Variants in TENM3 observed in about 807,000 individuals in gnomAD.
TENM3 encodes the protein teneurin-3.
Under a neutral mutation model 255.1 loss-of-function variants are expected in TENM3, and 63 were observed. The observed-to-expected ratio is 0.25, with a 90% confidence interval of 0.20 to 0.30. TENM3 has a LOEUF of 0.30. Ranked by LOEUF, TENM3 falls within the 10% of genes least tolerant of loss-of-function variation. The pLI is 1.00. For synonymous variants in TENM3, 1,306 were observed against 1,322.3 expected (o/e 0.99, Z 0.27); for missense variants, 2,929 against 3,461.1 (o/e 0.85, Z 3.86).
chr4:181,464,275 A>T, the TENM3 span, among the ~76,000 whole-genome samples: 1 of 152,176 alleles, frequency 6.6e-6, no homozygotes, highest in African/African-American at 2.4e-5. Flanking sequence ...CCAGCAATAT[A>T]CAGGGGTTCC....
At chr4:181,659,921 A>G in the TENM3 span, among the ~76,000 whole-genome samples, 2 of 152,160 alleles carry the variant, frequency 1.3e-5, no homozygotes, top group African/African-American at 4.8e-5. Context: ...TTGTAGTAAT[A>G]TTGACAACAA....
the TENM3 span, among the ~76,000 whole-genome samples, chr4:182,022,774 T>C: frequency 6.6e-6 from 1 of 152,200 alleles, no homozygotes; most frequent in Non-Finnish European, 1.5e-5. Context: ...ATTTCTTAAA[T>C]ACCAAACAAC....
At chr4:182,114,269 G>T in the TENM3 span, among the ~76,000 whole-genome samples, 1 of 138,160 alleles carries the variant, frequency 7.2e-6, no homozygotes, top group East Asian at 2.4e-4. Flanking sequence ...TTTAGTCCAA[G>T]AATTTTTTGA....
At chr4:182,466,925 A>T (rs576653975) in intron 3 of TENM3, among the ~76,000 whole-genome samples, 32 of 147,970 alleles carry the variant, frequency 2.2e-4, no homozygotes, top group Non-Finnish European at 2.4e-4. Flanking sequence ...TTGCCTTCAC[A>T]CTCCTATTCT....
chr4:182,377,606 G>A (rs527358264), intron 3 of TENM3, among the ~76,000 whole-genome samples: 12 of 152,220 alleles, frequency 7.9e-5, no homozygotes, highest in South Asian at 4.1e-4. Flanking sequence ...GAGCCACCAC[G>A]CCCGGCTCCA....
At chr4:182,662,755 G>A (rs752289679) in intron 6 of TENM3, among the ~76,000 whole-genome samples, 1 of 152,164 alleles carries the variant, frequency 6.6e-6, no homozygotes, top group Non-Finnish European at 1.5e-5. Context: ...AGCTTCAGAG[G>A]AAAAAGTTGT....
the TENM3 span, among the ~76,000 whole-genome samples, chr4:182,100,750 C>T: frequency 6.9e-4 from 51 of 74,198 alleles, 14 homozygotes; most frequent in African/African-American, 7.0e-4. Flanking sequence ...TATATACACA[C>T]ATATATATAC....
At chr4:182,091,652 C>T in the TENM3 span, among the ~76,000 whole-genome samples, 3 of 152,184 alleles carry the variant, frequency 2.0e-5, no homozygotes, top group East Asian at 3.9e-4. Context: ...AGAATGTCAA[C>T]GAAGCTTGAT....
rs980536911 is a variant in TENM3 at position 182,492,459 on chromosome 4, C to G, written c.512-108465C>G. Among the ~76,000 whole-genome samples the G allele has an allele frequency of 2.6e-5, 4 of 152,192 alleles. No homozygotes were observed. In the South Asian group the frequency reaches 8.3e-4, roughly 32 times the overall value. ...AACTAATTATGATGCTACATTTGCTCGAGGAGTTACTATATCCTTTGGGAT... is the reference window on the plus strand; with the variant it reads ...AACTAATTATGATGCTACATTTGCTGGAGGAGTTACTATATCCTTTGGGAT... On this transcript the variant is annotated intron_variant, in intron 3 of 27. Coordinates refer to ENST00000511685, the MANE Select transcript of TENM3 (RefSeq NM_001080477.4).
intron 5 of TENM3, among the ~76,000 whole-genome samples, chr4:182,645,140 C>T (rs563349695): frequency 2.5e-4 from 37 of 150,478 alleles, no homozygotes; most frequent in Middle Eastern, 3.5e-3. Context: ...ACTTCACTGC[C>T]CAGGCTAAAG....
intron 3 of TENM3, among the ~76,000 whole-genome samples, chr4:182,382,996 G>C (rs528709276): frequency 3.3e-5 from 5 of 152,114 alleles, no homozygotes; most frequent in African/African-American, 7.2e-5. Flanking sequence ...TCATTCTGGC[G>C]CTTGCTAAAA....
intron 1 of TENM3, among the ~76,000 whole-genome samples, chr4:182,289,990 G>A (rs1484553284): frequency 2.0e-5 from 3 of 152,072 alleles, no homozygotes; most frequent in South Asian, 2.1e-4. Context: ...CTCCAGCCAA[G>A]TCACTCCCGC....
chr4:182,664,625 C>T (rs1213963959), intron 6 of TENM3, among the ~76,000 whole-genome samples: 1 of 152,216 alleles, frequency 6.6e-6, no homozygotes. Flanking sequence ...GCACCAAATA[C>T]TTGGCCAGGT....
chr4:181,943,817 A>G, the TENM3 span, among the ~76,000 whole-genome samples: 1 of 152,114 alleles, frequency 6.6e-6, no homozygotes, highest in Admixed American at 6.5e-5. Context: ...CAATTATTCA[A>G]TTTTTTGGTC....
chr4:182,199,765 G>A (rs190846822), intron 1 of TENM3, among the ~76,000 whole-genome samples: 8 of 128,458 alleles, frequency 6.2e-5, no homozygotes, highest in African/African-American at 1.8e-4. Context: ...TTGCTCTGTC[G>A]CCTAGGCTGG....
At chr4:182,333,170 C>T in intron 2 of TENM3, among the ~76,000 whole-genome samples, 1 of 152,128 alleles carries the variant, frequency 6.6e-6, no homozygotes, top group Non-Finnish European at 1.5e-5. Flanking sequence ...CAACACCACC[C>T]TTCATAACAG....
At chr4:182,684,708 G>C (rs2152570437) in intron 11 of TENM3, among the ~76,000 whole-genome samples, 1 of 152,218 alleles carries the variant, frequency 6.6e-6, no homozygotes, top group Admixed American at 6.5e-5. Context: ...TATTCTAAAG[G>C]CTAATTGTAG....
At chr4:181,871,240 A>T in the TENM3 span, among the ~76,000 whole-genome samples, 5 of 151,984 alleles carry the variant, frequency 3.3e-5, no homozygotes, top group Admixed American at 6.6e-5. Flanking sequence ...ATCCTTTACA[A>T]TTCCATATAT....
At chr4:181,718,474 C>CT in the TENM3 span, among the ~76,000 whole-genome samples, 2 of 152,198 alleles carry the variant, frequency 1.3e-5, no homozygotes, top group South Asian at 4.1e-4. Context: ...GATTATGTCT[C>CT]TTTTTACCTC....
Sources: allele counts gnomAD v4.1 joint callset (sites outside exome capture counted in the v4.1 genomes callset), GRCh38; gene constraint gnomAD v4.1.1; transcripts MANE v1.5; gene names NCBI Gene and HGNC (gene_info 2026-07-23, HGNC 2026-07-21).